Variants in RAPGEF5 observed in about 807,000 individuals in gnomAD.
The protein encoded by RAPGEF5 is Rap guanine nucleotide exchange factor 5, also known as M-Ras-regulated GEF.
Under a neutral mutation model 125.2 loss-of-function variants are expected in RAPGEF5, and 65 were observed. The ratio of observed to expected loss-of-function variants is 0.52; its 90% CI spans 0.43 to 0.64. The LOEUF (loss-of-function observed/expected upper bound fraction) is 0.64. Among genes scored for constraint, RAPGEF5 ranks in the 30% least tolerant of loss-of-function variants. The probability of loss-of-function intolerance (pLI) is 0.00; values close to 1 mark genes in which losing one functional copy is unlikely to be tolerated. For synonymous variants in RAPGEF5, 391 were observed against 385.9 expected, an observed-to-expected ratio of 1.01 and a Z score of -0.16; for missense variants, 958 against 1,048.1, an observed-to-expected ratio of 0.91 and a Z score of 1.19.
At chr7:22,288,846 A>G (rs1018022099) in intron 6 of RAPGEF5, among the ~76,000 whole-genome samples, 3 of 152,152 alleles carry the variant, frequency 2.0e-5, no homozygotes, top group Non-Finnish European at 4.4e-5. Flanking sequence ...CCTCTAACCA[A>G]TCTCCCTATC....
intron 5 of RAPGEF5, among the ~76,000 whole-genome samples, chr7:22,294,494 A>G (rs1371363479): frequency 6.6e-6 from 1 of 152,158 alleles, no homozygotes; most frequent in African/African-American, 2.4e-5. Flanking sequence ...ACAAAAACCT[A>G]TGGTCCTCCA....
chr7:22,196,798 G>A (rs1006392875), intron 9 of RAPGEF5, among the ~76,000 whole-genome samples: 26 of 152,212 alleles, frequency 1.7e-4, no homozygotes, highest in African/African-American at 6.0e-4. Flanking sequence ...TACTAAGACA[G>A]CCTGCCTGCC....
chr7:22,247,800 A>G (rs1228908409), intron 7 of RAPGEF5, among the ~76,000 whole-genome samples: 1 of 152,244 alleles, frequency 6.6e-6, no homozygotes, highest in Non-Finnish European at 1.5e-5. Context: ...AGCCATAAAA[A>G]TAATGAAATA....
intron 11 of RAPGEF5, among the ~76,000 whole-genome samples, chr7:22,178,830 C>G (rs1006233979): frequency 2.0e-5 from 3 of 152,114 alleles, no homozygotes; most frequent in African/African-American, 7.2e-5. Flanking sequence ...TCCCTCCCCT[C>G]CCCAGACGTT....
At chr7:22,346,257 C>A (rs1023580078) in intron 1 of RAPGEF5, among the ~76,000 whole-genome samples, 1 of 152,102 alleles carries the variant, frequency 6.6e-6, no homozygotes, top group Non-Finnish European at 1.5e-5. Flanking sequence ...GTCATGCAGC[C>A]CTTAAGTGGT....
intron 23 of RAPGEF5, among the ~76,000 whole-genome samples, chr7:22,133,469 C>T (rs1347899224): frequency 1.3e-5 from 2 of 152,172 alleles, no homozygotes; most frequent in African/African-American, 4.8e-5. Flanking sequence ...ACTGCCAGGC[C>T]TCTTTCACCT....
intron 9 of RAPGEF5, 83 bp from the exon 10 acceptor site, chr7:22,194,116 A>AGAAAATACAGCTTGAGTT: frequency 8.3e-7 from 1 of 1,199,322 alleles, no homozygotes; most frequent in Non-Finnish European, 1.2e-6. Flanking sequence ...GAGCTAACTC[A>AGAAAATACAGCTTGAGTT]AGCTGTATTT....
intron 7 of RAPGEF5, among the ~76,000 whole-genome samples, chr7:22,260,532 T>TAAAA (rs71550468): frequency 7.4e-4 from 92 of 124,166 alleles, no homozygotes; most frequent in African/African-American, 2.5e-3. Context: ...TTAGGACCAG[T>TAAAA]AAAAAAAAAA....
chr7:22,238,095 G>C lies in RAPGEF5; in HGVS notation c.797-7176C>G, dbSNP rs138845675. 5.4e-3 allele frequency among the ~76,000 whole-genome samples: 815 copies of C among 152,254 alleles called. 8 individuals are homozygous for C. The highest frequency in any genetic ancestry group is 0.018 in the African/African-American group (754 of 41,534). On this transcript the variant is annotated intron_variant, in intron 7 of 25. Coordinates refer to ENST00000665637, the MANE Select transcript of RAPGEF5 (RefSeq NM_012294.5). ...AGTAGATCATAATTGGAAAATGTTA[G>C]AAAACCTCTGGTAGAGGTCCTGGCA...
Position 22,125,687 on chromosome 7 carries a change from T to C in RAPGEF5, c.2482-29A>G, listed in dbSNP as rs146849226. The C allele has an allele frequency of 5.1e-5, 81 of 1,584,372 alleles. 1 individual carries two copies. In the African/African-American group the frequency reaches 8.5e-4, roughly 17 times the overall value. ...TAAAGTAGAACAGGAAACACATCAA[T>C]GGAAGGGTCGTTGAGGGTGTTACTG... On this transcript the variant is annotated intron_variant, in intron 24 of 25. Coordinates refer to ENST00000665637, the MANE Select transcript of RAPGEF5 (RefSeq NM_012294.5).
chr7:22,270,001 G>A (rs2128142480), intron 6 of RAPGEF5, among the ~76,000 whole-genome samples: 1 of 152,360 alleles, frequency 6.6e-6, no homozygotes, highest in African/African-American at 2.4e-5. Context: ...GAAGGCAGCT[G>A]TTCTATAAAA....
intron 1 of RAPGEF5, among the ~76,000 whole-genome samples, chr7:22,326,873 C>T (rs562994427): frequency 5.5e-4 from 83 of 152,236 alleles, no homozygotes; most frequent in South Asian, 1.9e-3. Context: ...GTTAAGTGCT[C>T]TTACCACAAA....
intron 9 of RAPGEF5, among the ~76,000 whole-genome samples, chr7:22,209,542 C>G (rs1583483751): frequency 1.3e-5 from 2 of 152,108 alleles, no homozygotes; most frequent in African/African-American, 4.8e-5. Context: ...AGAGTTATAC[C>G]TGAGTGTTGT....
At chr7:22,280,195 GA>G (rs966978172) in intron 6 of RAPGEF5, among the ~76,000 whole-genome samples, 1 of 151,710 alleles carries the variant, frequency 6.6e-6, no homozygotes, top group Admixed American at 6.6e-5. Flanking sequence ...CCTCATACAG[GA>G]AAAAAAAGAG....
At chr7:22,221,936 G>T (rs910143144) in intron 8 of RAPGEF5, among the ~76,000 whole-genome samples, 44 of 152,158 alleles carry the variant, frequency 2.9e-4, no homozygotes, top group African/African-American at 9.4e-4. Flanking sequence ...TGAGAATATG[G>T]TAGTGAACAT....
At chr7:22,331,758 A>AAG (rs1308878301) in intron 1 of RAPGEF5, among the ~76,000 whole-genome samples, 1 of 151,392 alleles carries the variant, frequency 6.6e-6, no homozygotes, top group Admixed American at 6.6e-5. Flanking sequence ...AAAAAAAAAA[A>AAG]AAAGAAAAAA....
chr7:22,344,264 A>G (rs1784182905), intron 1 of RAPGEF5, among the ~76,000 whole-genome samples: 1 of 152,164 alleles, frequency 6.6e-6, no homozygotes, highest in Admixed American at 6.5e-5. Flanking sequence ...ATTTTCTAGC[A>G]TGGCTCTTAC....
chr7:22,245,176 ATGT>A (rs1210740660), intron 7 of RAPGEF5, among the ~76,000 whole-genome samples: 1 of 152,124 alleles, frequency 6.6e-6, no homozygotes, highest in African/African-American at 2.4e-5. Flanking sequence ...TCTTCCTATC[ATGT>A]TGTTTCAATT....
rs181967282 is a variant in RAPGEF5, at chr7:22,122,421, G to A, written c.2637C>T (p.Ile879=). 1.2e-4 allele frequency: 194 copies of A among 1,613,342 alleles called. 1 individual carries two copies. The highest frequency in any genetic ancestry group is 6.8e-4 in the South Asian group (62 of 91,046). The change falls in exon 26 of 26, where the codon ATC becomes ATT. Residue 879 remains isoleucine, a synonymous_variant. Coordinates refer to ENST00000665637, the MANE Select transcript of RAPGEF5 (RefSeq NM_012294.5). ...QQALFELSHR[I]EPRV ...GCAGTGGGGCTCACACCCGAGGCTCGATCCTGTGTGAGAGCTCAAACAGAG... is the reference window on the plus strand; with the variant it reads ...GCAGTGGGGCTCACACCCGAGGCTCAATCCTGTGTGAGAGCTCAAACAGAG...
Sources: gnomAD v4.1 joint callset for allele counts (sites outside exome capture counted in the v4.1 genomes callset) on GRCh38, gnomAD v4.1.1 for gene constraint, MANE v1.5 for transcripts, NCBI Gene and HGNC (gene_info 2026-07-23, HGNC 2026-07-21) for gene names.